GPHN: variants seen among roughly 807,000 people sequenced by gnomAD.
The protein encoded by GPHN is gephyrin.
In GPHN, 17 loss-of-function variants were observed where a neutral mutation model predicts 95.5. The observed-to-expected ratio is 0.18, with a 90% CI of 0.12 to 0.27. GPHN has a LOEUF of 0.27. GPHN is among the 10% of genes least tolerant of loss of function. The pLI is 1.00. For missense variants in GPHN, 660 were observed against 978.1 expected (o/e 0.67, Z 4.34); for synonymous variants, 320 against 322.5 (o/e 0.99, Z 0.08).
At chr14:67,148,583 C>T (rs1239191829) in intron 18 of GPHN, among the ~76,000 whole-genome samples, 4 of 108,256 alleles carry the variant, frequency 3.7e-5, no homozygotes, top group Non-Finnish European at 6.8e-5. Flanking sequence ...TTTTTTGAGA[C>T]AGAGGCTCGC....
At position 66,654,811 on chromosome 14, in the gene GPHN, T is replaced by G; in HGVS notation, c.65-26296T>G. Among the ~76,000 whole-genome samples, 2 of 152,214 alleles carry G rather than the reference T, an allele frequency of 1.3e-5. 1 individual carries two copies. Among genetic ancestry groups the G allele is most frequent in the Non-Finnish European group, 2.9e-5 (2 of 68,042 alleles). ...TCATATTTAAGTACAATGTCCATTT[T>G]GAGTTATTTTTTATGTAAGGCATGA... On this transcript the variant is annotated intron_variant, in intron 1 of 22. Transcript: ENST00000478722.
At chr14:66,795,897 T>G (rs910089343) in intron 3 of GPHN, among the ~76,000 whole-genome samples, 21 of 152,268 alleles carry the variant, frequency 1.4e-4, no homozygotes, top group African/African-American at 5.1e-4. Context: ...CTGTAGTCAC[T>G]CTGTTTTGCT....
chr14:67,664,327 T>C, the GPHN span, among the ~76,000 whole-genome samples: 130 of 152,298 alleles, frequency 8.5e-4, no homozygotes, highest in African/African-American at 3.0e-3. Flanking sequence ...AGGTACACCA[T>C]TAAGTGGAAT....
chr14:67,031,109 A>G (rs909266044), intron 10 of GPHN, among the ~76,000 whole-genome samples: 1 of 151,962 alleles, frequency 6.6e-6, no homozygotes, highest in Admixed American at 6.6e-5. Context: ...CATTCTCACT[A>G]CTGCCACCCA....
At chr14:67,447,895 C>T in the GPHN span, 1 of 152,000 alleles carries the variant, frequency 6.6e-6, no homozygotes, top group Non-Finnish European at 1.5e-5. Context: ...ATGCCCTCGC[C>T]CACCCCTTCA....
chr14:66,885,741 T>G (rs189264805), intron 5 of GPHN, among the ~76,000 whole-genome samples: 2 of 151,802 alleles, frequency 1.3e-5, no homozygotes, highest in East Asian at 3.9e-4. Flanking sequence ...AGAAAGTCAC[T>G]ATGCATGCCC....
the GPHN span, among the ~76,000 whole-genome samples, chr14:67,444,297 T>G: frequency 2.0e-5 from 3 of 152,342 alleles, no homozygotes; most frequent in African/African-American, 7.2e-5. Context: ...AAATAAACTT[T>G]CTAAATTAAC....
the GPHN span, among the ~76,000 whole-genome samples, chr14:67,190,227 CTTT>C: frequency 8.1e-6 from 1 of 123,516 alleles, no homozygotes; most frequent in Non-Finnish European, 1.8e-5. Flanking sequence ...TTGTTCTTTT[CTTT>C]TTTTTTTTTT....
chr14:66,940,965 G>T (rs2067394484), intron 8 of GPHN, among the ~76,000 whole-genome samples: 1 of 152,152 alleles, frequency 6.6e-6, no homozygotes. Flanking sequence ...GCTTGGCTTT[G>T]GTTAGCTCCC....
At chr14:67,367,182 A>T in the GPHN span, among the ~76,000 whole-genome samples, 1 of 152,226 alleles carries the variant, frequency 6.6e-6, no homozygotes, top group South Asian at 2.1e-4. Flanking sequence ...GGGGAGACAG[A>T]GCTTATAGTT....
the GPHN span, among the ~76,000 whole-genome samples, chr14:67,229,178 G>A: frequency 6.6e-6 from 1 of 152,176 alleles, no homozygotes; most frequent in Non-Finnish European, 1.5e-5. Flanking sequence ...AACCCAAGAA[G>A]CCCAACAGCC....
At chr14:67,276,720 C>T in the GPHN span, among the ~76,000 whole-genome samples, 3 of 152,088 alleles carry the variant, frequency 2.0e-5, no homozygotes, top group Non-Finnish European at 4.4e-5. Flanking sequence ...AAATTTAAAG[C>T]AGATTACTAC....
At chr14:67,618,205 C>G in the GPHN span, among the ~76,000 whole-genome samples, 1 of 152,068 alleles carries the variant, frequency 6.6e-6, no homozygotes, top group Admixed American at 6.6e-5. Context: ...AATCCCTGAC[C>G]ACGCCCCCAC....
intron 2 of GPHN, among the ~76,000 whole-genome samples, chr14:66,742,060 C>T (rs548819364): frequency 2.6e-5 from 4 of 152,278 alleles, no homozygotes; most frequent in Non-Finnish European, 4.4e-5. Flanking sequence ...CTTTATTGAA[C>T]GCTCTTCCTT....
the GPHN span, chr14:67,338,881 T>G: frequency 1.3e-6 from 1 of 767,670 alleles, no homozygotes; most frequent in Non-Finnish European, 1.9e-6. Context: ...ACCTGGTACT[T>G]TTATTAATTT....
chr14:67,388,404 C>A, the GPHN span: 2 of 743,586 alleles, frequency 2.7e-6, no homozygotes, highest in East Asian at 2.5e-5. Flanking sequence ...GAGTGCAAAT[C>A]ATTTGTAATA....
the GPHN span, chr14:67,594,005 C>A: frequency 8.1e-7 from 1 of 1,241,990 alleles, no homozygotes; most frequent in Non-Finnish European, 1.2e-6. Context: ...TACCAGTCAA[C>A]TCCAGGCAAT....
At chr14:66,955,947 G>A (rs1169811595) in intron 8 of GPHN, among the ~76,000 whole-genome samples, 4 of 151,838 alleles carry the variant, frequency 2.6e-5, no homozygotes, top group African/African-American at 7.3e-5. Flanking sequence ...TCTTAATCCA[G>A]TCTATCATTG....
rs902738606 is a variant in GPHN, at chr14:67,160,332, A to AT, written c.1910+854dup. 4.2e-3 allele frequency among the ~76,000 whole-genome samples: 633 copies of AT among 149,946 alleles called. 3 individuals carry two copies. The highest frequency in any genetic ancestry group is 0.014 in the African/African-American group (585 of 40,858). ...AAAGGCTTGATTAAATTCAGGTTTA[A>AT]TTTTTTTTTTCCTTTGCAAGAATGT... On this transcript the variant is annotated intron_variant, in intron 19 of 22. Transcript: ENST00000478722.
Sources: allele counts gnomAD v4.1 joint callset (sites outside exome capture counted in the v4.1 genomes callset), GRCh38; gene constraint gnomAD v4.1.1; transcripts MANE v1.5; gene names NCBI Gene and HGNC (gene_info 2026-07-23, HGNC 2026-07-21).